Variants in COQ5 observed in about 807,000 individuals in gnomAD.
COQ5 encodes 2-methoxy-6-polyprenyl-1,4-benzoquinol methylase, mitochondrial.
Under a neutral mutation model 40.5 loss-of-function variants are expected in COQ5, and 27 were observed. The ratio of observed to expected loss-of-function variants is 0.67; its 90% CI spans 0.49 to 0.92. The LOEUF (loss-of-function observed/expected upper bound fraction) is 0.92. COQ5 is among the 40% of genes least tolerant of loss of function. The pLI is 0.00. For synonymous variants in COQ5, 141 were observed against 150.0 expected, an observed-to-expected ratio of 0.94 and a Z score of 0.44; for missense variants, 409 against 406.4, an observed-to-expected ratio of 1.01 and a Z score of -0.06.
intron 2 of COQ5, among the ~76,000 whole-genome samples, chr12:120,520,133 G>A (rs1341127156): frequency 2.0e-5 from 3 of 150,838 alleles, no homozygotes; most frequent in East Asian, 1.9e-4. Context: ...GTAATTTTAT[G>A]TATTTATTTA....
intron 1 of COQ5, chr12:120,522,685 C>G: frequency 1.5e-6 from 1 of 655,266 alleles, no homozygotes; most frequent in Non-Finnish European, 2.7e-6. Context: ...TCGTAGGTGT[C>G]CGGGCACCTT....
chr12:120,507,790 G>A (rs1295870560), intron 4 of COQ5, among the ~76,000 whole-genome samples: 2 of 148,132 alleles, frequency 1.4e-5, no homozygotes, highest in Non-Finnish European at 3.0e-5. Context: ...GGGAGGCTGA[G>A]GCAGAAGAAT....
chr12:120,521,210 G>A (rs987781222), intron 2 of COQ5, among the ~76,000 whole-genome samples: 1 of 151,852 alleles, frequency 6.6e-6, no homozygotes, highest in Non-Finnish European at 1.5e-5. Context: ...GGGATTACAG[G>A]CACCAGCTAC....
chr12:120,517,651 C>T (rs1379245981), intron 2 of COQ5, among the ~76,000 whole-genome samples: 1 of 150,478 alleles, frequency 6.6e-6, no homozygotes, highest in African/African-American at 2.4e-5. Flanking sequence ...CACTGCACTC[C>T]AGCCTGGGCG....
At chr12:120,511,620 G>A (rs916827205) in intron 3 of COQ5, among the ~76,000 whole-genome samples, 4 of 151,974 alleles carry the variant, frequency 2.6e-5, no homozygotes, top group Admixed American at 6.6e-5. Flanking sequence ...ACCATATCTC[G>A]AAAAAATAAA....
rs1870092166 is a variant in COQ5 at position 120,528,947 on chromosome 12, C to T, written c.195G>A (p.Gly65=). 1.2e-6 allele frequency: 2 copies of T among 1,614,118 alleles called. No homozygotes were observed. Among genetic ancestry groups the T allele is most frequent in the Non-Finnish European group, 8.5e-7 (1 of 1,180,000 alleles). The part of the protein sequence containing the change: ...GFETVSEEEK[G]GKVYQVFESV... The stretch of plus-strand genomic sequence containing the variant: ...CCCTCTCGCCCCTTTCACCTTTGCC[C>T]CCCTTCTCCTCTTCCGACACAGTCT... Residue 65 remains glycine, a synonymous_variant, in exon 1 of 7, where the codon GGG becomes GGA. Coordinates refer to ENST00000288532, the MANE Select transcript of COQ5 (RefSeq NM_032314.4).
chr12:120,513,979 G>T (rs1244350559), intron 3 of COQ5, among the ~76,000 whole-genome samples: 2 of 152,154 alleles, frequency 1.3e-5, no homozygotes, highest in African/African-American at 4.8e-5. Flanking sequence ...CTACACAGAT[G>T]CATTTGTCTT....
chr12:120,504,526 G>A (rs970887599), intron 5 of COQ5: 4 of 315,020 alleles, frequency 1.3e-5, no homozygotes, highest in African/African-American at 4.5e-5. Flanking sequence ...GGGATTACAA[G>A]CATGAGCCAC....
At chr12:120,506,989 A>G (rs939035790) in intron 4 of COQ5, among the ~76,000 whole-genome samples, 5 of 151,864 alleles carry the variant, frequency 3.3e-5, no homozygotes, top group African/African-American at 4.8e-5. Flanking sequence ...GCCCGCCACC[A>G]TGCCTGGCTA....
At chr12:120,518,058 C>G (rs185728428) in intron 2 of COQ5, among the ~76,000 whole-genome samples, 2 of 152,092 alleles carry the variant, frequency 1.3e-5, no homozygotes, top group Non-Finnish European at 2.9e-5. Flanking sequence ...CCACTCGCCT[C>G]GGCCTCCCAA....
Position 120,510,072 on chromosome 12 carries a change from T to C in COQ5, c.626A>G (p.Lys209Arg), listed in dbSNP as rs754084560. 8.7e-6 allele frequency: 14 copies of C among 1,613,964 alleles called. No individual in the cohort carries two copies. The African/African-American group carries it at 1.6e-4, about 18-fold the overall frequency. ...DAEELPFDDD[K>R]FDIYTIAFGI... ...AAAGGCAATGGTGTAAATATCAAAC[T>C]TGTCATCATCAAAGGGCAGTTCTTC... The change falls in exon 4 of 7, where the codon AAG (lysine) becomes AGG (arginine). Residue 209 changes from lysine (K) to arginine (R), a missense_variant. Lys to Arg is a conservative substitution (Grantham distance 26, BLOSUM62 2). Coordinates refer to ENST00000288532, the MANE Select transcript of COQ5 (RefSeq NM_032314.4).
In COQ5 at chr12:120,529,074, C is replaced by CCCCGCATCG. The variant is rs754066407; in HGVS notation, c.59_67dup (p.Ala20_Arg22dup). ...GCTACGAAGCCCGAGGAGCTGGCAGCCCCGCATCGCCCGCGACCACCCACG... is the reference window on the plus strand; with the variant it reads ...GCTACGAAGCCCGAGGAGCTGGCAGCCCCGCATCGCCCGCATCGCCCGCGACCACCCACG... On this transcript the variant is annotated inframe_insertion, in exon 1 of 7. Coordinates refer to ENST00000288532, the MANE Select transcript of COQ5 (RefSeq NM_032314.4). 1 of 1,614,122 alleles carries CCCCGCATCG rather than the reference C, an allele frequency of 6.2e-7. No homozygotes were observed. The highest frequency in any genetic ancestry group is 8.5e-7 in the Non-Finnish European group (1 of 1,180,020).
chr12:120,520,400 A>G (rs1432305364), intron 2 of COQ5, among the ~76,000 whole-genome samples: 1 of 151,300 alleles, frequency 6.6e-6, no homozygotes, highest in Non-Finnish European at 1.5e-5. Context: ...ATCTCGGCTC[A>G]CTGCAACCTC....
chr12:120,524,506 C>A (rs1029504133), intron 1 of COQ5, among the ~76,000 whole-genome samples: 1 of 152,006 alleles, frequency 6.6e-6, no homozygotes, highest in Non-Finnish European at 1.5e-5. Flanking sequence ...GTGATCCGCC[C>A]GCCTCGGCCT....
At chr12:120,504,703 T>C in intron 5 of COQ5, 192 bp downstream of exon 5, 2 of 606,730 alleles carry the variant, frequency 3.3e-6, no homozygotes, top group South Asian at 3.7e-5. Flanking sequence ...AATTTCTTAA[T>C]ATACATATGT....
chr12:120,514,009 C>T (rs1043479292), intron 3 of COQ5, among the ~76,000 whole-genome samples: 1 of 152,066 alleles, frequency 6.6e-6, no homozygotes, highest in Non-Finnish European at 1.5e-5. Flanking sequence ...GAGAGCTCGA[C>T]GGGCAGGCTA....
intron 3 of COQ5, among the ~76,000 whole-genome samples, chr12:120,514,205 C>T (rs1869272942): frequency 6.6e-6 from 1 of 152,008 alleles, no homozygotes; most frequent in Non-Finnish European, 1.5e-5. Context: ...TGATGGTTAA[C>T]AAAGGAGCCC....
chr12:120,505,704 G>A (rs1326379113), intron 4 of COQ5, among the ~76,000 whole-genome samples: 1 of 151,806 alleles, frequency 6.6e-6, no homozygotes, highest in Admixed American at 6.6e-5. Context: ...TTACAGGCAC[G>A]TACCACCACA....
intron 3 of COQ5, 116 bp downstream of exon 3, chr12:120,516,451 G>T: frequency 2.3e-6 from 2 of 873,498 alleles, no homozygotes; most frequent in South Asian, 2.6e-5. Context: ...TCTTCAACCT[G>T]CCCATCTATA....
Sources: allele counts gnomAD v4.1 joint callset (sites outside exome capture counted in the v4.1 genomes callset), GRCh38; gene constraint gnomAD v4.1.1; transcripts MANE v1.5; gene names NCBI Gene and HGNC (gene_info 2026-07-23, HGNC 2026-07-21).